FAM216A: variants seen among roughly 807,000 people sequenced by gnomAD.
The protein encoded by FAM216A is protein FAM216A.
A neutral mutation model predicts 37.6 loss-of-function variants in FAM216A; 26 were observed. That is an observed-to-expected ratio of 0.69 (90% CI 0.51 to 0.96). FAM216A has a LOEUF of 0.96. Among genes scored for constraint, FAM216A ranks in the 40% least tolerant of loss-of-function variants. The probability of loss-of-function intolerance (pLI) is 0.00; values close to 1 mark genes in which losing one functional copy is unlikely to be tolerated. For synonymous variants in FAM216A, 110 were observed against 121.7 expected, an observed-to-expected ratio of 0.90 and a Z score of 0.64; for missense variants, 326 against 339.3, an observed-to-expected ratio of 0.96 and a Z score of 0.31.
chr12:110,484,995 C>T (rs768904627), intron 2 of FAM216A, 83 bp from the exon 3 acceptor site: 114 of 1,431,804 alleles, frequency 8.0e-5, no homozygotes, highest in South Asian at 4.6e-4. Context: ...CCACCACACC[C>T]GGCCTAAATA....
At chr12:110,481,332 G>A (rs1375200936) in intron 2 of FAM216A, among the ~76,000 whole-genome samples, 2 of 151,984 alleles carry the variant, frequency 1.3e-5, no homozygotes, top group East Asian at 1.9e-4. Context: ...TTAAATGTTC[G>A]AGGCACTGCC....
At chr12:110,468,626 T>C (rs774478851), upstream of FAM216A, 3 of 1,537,212 alleles carry the variant, frequency 2.0e-6, no homozygotes, top group Non-Finnish European at 2.6e-6. Flanking sequence ...ACCTCTTGTT[T>C]TGGGGAGCAT....
rs569326113 is a variant in FAM216A, at chr12:110,490,219, T to C, written c.*82T>C. 3.4e-5 allele frequency: 26 copies of C among 762,906 alleles called. No individual in the cohort carries two copies. The highest frequency in any genetic ancestry group is 5.9e-5 in the South Asian group (4 of 67,868). The allele number at this position is 762,906 out of a possible 1,614,324, so 47.3% of individuals were successfully genotyped here. ...TGTGTCCTGTATGTTTAGGATGGTA[T>C]TGTTATTTATTAAATCATTAAGTAA... On this transcript the variant is annotated 3_prime_UTR_variant, in exon 7 of 7. Transcript: ENST00000377673.
intron 2 of FAM216A, among the ~76,000 whole-genome samples, chr12:110,484,669 T>C (rs899721053): frequency 6.6e-5 from 10 of 151,932 alleles, no homozygotes; most frequent in Non-Finnish European, 1.2e-4. Context: ...CCAAATGGCA[T>C]ACCATACAGT....
At chr12:110,471,877 C>A (rs1415708750) in intron 1 of FAM216A, among the ~76,000 whole-genome samples, 2 of 152,140 alleles carry the variant, frequency 1.3e-5, no homozygotes, top group South Asian at 2.1e-4. Context: ...AGAATTTGTA[C>A]GAAATTAGAA....
At chr12:110,488,321 G>A (rs2135557498) in intron 6 of FAM216A, among the ~76,000 whole-genome samples, 1 of 149,926 alleles carries the variant, frequency 6.7e-6, no homozygotes, top group South Asian at 2.1e-4. Context: ...TGAGGCAGGA[G>A]AATCGATTGA....
chr12:110,486,912 T>C (rs187624622), intron 5 of FAM216A, 195 bp downstream of exon 5: 4 of 545,076 alleles, frequency 7.3e-6, no homozygotes, highest in East Asian at 6.2e-5. Flanking sequence ...CAAACCACCA[T>C]GCCCTGCTAG....
chr12:110,486,855 A>T, intron 5 of FAM216A, 138 bp downstream of exon 5: 1 of 746,354 alleles, frequency 1.3e-6, no homozygotes. Context: ...TCCTGGGCTC[A>T]AGCAATGCTC....
At chr12:110,486,803 C>A in intron 5 of FAM216A, 86 bp downstream of exon 5, 3 of 1,234,984 alleles carry the variant, frequency 2.4e-6, no homozygotes, top group Non-Finnish European at 3.4e-6. Flanking sequence ...CTCACCCAGG[C>A]TGGAGTGTAG....
Position 110,469,244 on chromosome 12 carries a change from G to C in FAM216A, c.143+226G>C, listed in dbSNP as rs542119902. The stretch of plus-strand genomic sequence containing the variant: ...GGTCTCTGAGGGAAGCTTCGGAGGA[G>C]CGTTTGGTGCAGTGGCCACGAGGTG... On this transcript the variant is annotated intron_variant, in intron 1 of 6. Coordinates refer to ENST00000377673, the MANE Select transcript of FAM216A (RefSeq NM_013300.3). 4.0e-4 allele frequency: 191 copies of C among 478,252 alleles called. No homozygotes were observed. The East Asian group carries it at 6.6e-3, about 17-fold the overall frequency. 29.6% of individuals were successfully genotyped at this position (478,252 alleles called of 1,614,324 possible). A position where few individuals can be genotyped will look rare whatever the true frequency, so the allele number is the denominator to read the frequency against.
chr12:110,476,549 C>T lies in FAM216A; in HGVS notation c.184+3431C>T, dbSNP rs552229703. On this transcript the variant is annotated intron_variant, in intron 2 of 6. Coordinates refer to ENST00000377673, the MANE Select transcript of FAM216A (RefSeq NM_013300.3). ...CTTAGCTTTTTTCTTTTTTTTGAGACGAAGTCTCACTCTGTCGCCCAGGCT... is the reference window on the plus strand; with the variant it reads ...CTTAGCTTTTTTCTTTTTTTTGAGATGAAGTCTCACTCTGTCGCCCAGGCT... 4.7e-5 allele frequency among the ~76,000 whole-genome samples: 7 copies of T among 149,026 alleles called. No homozygotes were observed. In the South Asian group the frequency reaches 6.4e-4, roughly 14 times the overall value.
intron 2 of FAM216A, among the ~76,000 whole-genome samples, chr12:110,473,927 C>T (rs999315593): frequency 9.9e-5 from 15 of 152,096 alleles, no homozygotes; most frequent in African/African-American, 3.6e-4. Flanking sequence ...CTGGAATTAA[C>T]TGACTGTAGG....
Position 110,485,093 on chromosome 12 carries a change from GATACAAAGTGA to G in FAM216A, c.202_212del (p.Tyr68LeufsTer5), listed in dbSNP as rs2062769598. 6.2e-7 allele frequency: 1 copy of G among 1,609,728 alleles called. No homozygotes were observed. The highest frequency in any genetic ancestry group is 8.5e-7 in the Non-Finnish European group (1 of 1,178,880). ...TTGCCTACAGATAGAATCAAAGATG[GATACAAAGTGA>G]ACTCACACATAGCTAAGCTGCAAGA... On this transcript the variant is annotated frameshift_variant, in exon 3 of 7. Transcript: ENST00000377673. LOFTEE classifies it high-confidence loss of function.
chr12:110,469,212 G>C, intron 1 of FAM216A, 194 bp downstream of exon 1: 1 of 599,202 alleles, frequency 1.7e-6, no homozygotes. Flanking sequence ...CCTCGCGGTT[G>C]AGGGAGGGTC....
intron 2 of FAM216A, among the ~76,000 whole-genome samples, chr12:110,479,420 T>A (rs879840257): frequency 2.0e-5 from 3 of 151,748 alleles, no homozygotes; most frequent in Admixed American, 2.0e-4. Context: ...TCCATATTAA[T>A]AGGTAACTCG....
rs370187257 is a variant in FAM216A, at chr12:110,468,909, G to C, written c.34G>C (p.Gly12Arg). ...ACAGCTGCTCCCGCACACGGCTCGC[G>C]GTCTCGGCGCCGCGGAGATGCCCGG... ...LGQLLPHTAR[G>R]LGAAEMPGQG... The change falls in exon 1 of 7, where the codon GGT becomes CGT. Residue 12 changes from glycine to arginine, a missense_variant. Transcript: ENST00000377673. 1.3e-6 allele frequency: 2 copies of C among 1,521,556 alleles called. No homozygotes were observed. The highest frequency in any genetic ancestry group is 2.0e-5 in the Admixed American group (1 of 49,812). The allele number at this position is 1,521,556 out of a possible 1,614,324, so 94.3% of individuals were successfully genotyped here.
intron 2 of FAM216A, among the ~76,000 whole-genome samples, chr12:110,481,231 GGATA>G (rs1381096779): frequency 6.6e-6 from 1 of 152,142 alleles, no homozygotes. Flanking sequence ...CTATGAGCAT[GGATA>G]AATAATCTGT....
At chr12:110,480,816 C>T (rs1212179111) in intron 2 of FAM216A, among the ~76,000 whole-genome samples, 1 of 151,836 alleles carries the variant, frequency 6.6e-6, no homozygotes, top group Non-Finnish European at 1.5e-5. Context: ...GCTGGAGGAT[C>T]GCTGGAGCCC....
chr12:110,486,322 T>C lies in FAM216A; in HGVS notation c.307-3T>C. 3 of 1,594,138 alleles carry C rather than the reference T, an allele frequency of 1.9e-6. No homozygotes were observed. The highest frequency in any genetic ancestry group is 2.6e-6 in the Non-Finnish European group (3 of 1,167,998). On this transcript the variant is annotated splice_polypyrimidine_tract_variant and splice_region_variant and intron_variant, in intron 3 of 6. Coordinates refer to ENST00000377673, the MANE Select transcript of FAM216A (RefSeq NM_013300.3). ...CTATAAATCCTCTTATTCTGTCTTT[T>C]AGCATCCAGACCTCACCACAGGCCA...
Sources: gnomAD v4.1 joint callset for allele counts (sites outside exome capture counted in the v4.1 genomes callset) on GRCh38, gnomAD v4.1.1 for gene constraint, MANE v1.5 for transcripts, NCBI Gene and HGNC (gene_info 2026-07-23, HGNC 2026-07-21) for gene names.